QTMAN: variants seen among roughly 807,000 people sequenced by gnomAD.
QTMAN encodes the protein queuosine-tRNA mannosyltransferase, also known as tRNA-queuosine alpha-mannosyltransferase.
At chr2:144,098,956 T>C in the QTMAN span, among the ~76,000 whole-genome samples, 3 of 152,206 alleles carry the variant, frequency 2.0e-5, 1 homozygote, top group South Asian at 2.1e-4. Flanking sequence ...GCTTGCTCCC[T>C]AATAATATTT....
At chr2:143,959,519 T>C in the QTMAN span, among the ~76,000 whole-genome samples, 1 of 152,144 alleles carries the variant, frequency 6.6e-6, no homozygotes, top group African/African-American at 2.4e-5. Context: ...AAAGGAAATG[T>C]ATATGAAGCA....
chr2:144,301,669 A>C, the QTMAN span, among the ~76,000 whole-genome samples: 1 of 152,256 alleles, frequency 6.6e-6, no homozygotes, highest in Non-Finnish European at 1.5e-5. Flanking sequence ...TCATGTACAA[A>C]ATACAGCCAT....
At chr2:144,137,979 A>G in the QTMAN span, among the ~76,000 whole-genome samples, 1 of 152,066 alleles carries the variant, frequency 6.6e-6, no homozygotes. Flanking sequence ...CCACAGGATA[A>G]TTATCTCAGT....
At chr2:144,218,257 T>C in the QTMAN span, among the ~76,000 whole-genome samples, 2 of 152,234 alleles carry the variant, frequency 1.3e-5, no homozygotes, top group African/African-American at 4.8e-5. Context: ...CATCTAATTC[T>C]ATTTAAAATT....
the QTMAN span, among the ~76,000 whole-genome samples, chr2:144,332,746 G>T: frequency 0.011 from 1,653 of 152,074 alleles, 15 homozygotes; most frequent in Non-Finnish European, 0.015. Flanking sequence ...CCTGCCCACT[G>T]TCCCCCGGCC....
At chr2:144,149,275 C>A in the QTMAN span, among the ~76,000 whole-genome samples, 1 of 151,900 alleles carries the variant, frequency 6.6e-6, no homozygotes, top group Non-Finnish European at 1.5e-5. Context: ...CCACTAGGAA[C>A]AAGATAATTC....
the QTMAN span, among the ~76,000 whole-genome samples, chr2:144,031,013 T>C: frequency 6.6e-6 from 1 of 152,184 alleles, no homozygotes; most frequent in African/African-American, 2.4e-5. Context: ...CCCACTTCTG[T>C]TCGTTCGAGT....
the QTMAN span, among the ~76,000 whole-genome samples, chr2:143,959,160 T>C: frequency 6.6e-6 from 1 of 152,088 alleles, no homozygotes; most frequent in African/African-American, 2.4e-5. Flanking sequence ...ACTTTTAAGA[T>C]ATGATAAAAT....
the QTMAN span, among the ~76,000 whole-genome samples, chr2:143,975,699 T>G: frequency 1.3e-5 from 2 of 152,222 alleles, no homozygotes; most frequent in African/African-American, 4.8e-5. Flanking sequence ...TACATCTTTC[T>G]CTGCTGTGGT....
At chr2:143,949,285 G>A in the QTMAN span, among the ~76,000 whole-genome samples, 1 of 151,984 alleles carries the variant, frequency 6.6e-6, no homozygotes, top group African/African-American at 2.4e-5. Flanking sequence ...TTCTGTTTCT[G>A]CTTTTCACTT....
chr2:144,099,039 T>C, the QTMAN span, among the ~76,000 whole-genome samples: 1 of 152,296 alleles, frequency 6.6e-6, no homozygotes, highest in Admixed American at 6.5e-5. Context: ...AATCTCCATA[T>C]ATAAGCACCT....
chr2:144,305,533 T>G, the QTMAN span, among the ~76,000 whole-genome samples: 6 of 152,348 alleles, frequency 3.9e-5, no homozygotes, highest in South Asian at 1.2e-3. Flanking sequence ...TCAAGAACTG[T>G]GACTCCTTCA....
At chr2:144,117,017 A>C in the QTMAN span, among the ~76,000 whole-genome samples, 1 of 152,178 alleles carries the variant, frequency 6.6e-6, no homozygotes, top group Non-Finnish European at 1.5e-5. Flanking sequence ...TCAGTGAGTA[A>C]ATGTCAAAAA....
the QTMAN span, among the ~76,000 whole-genome samples, chr2:144,281,043 T>C: frequency 3.3e-5 from 5 of 150,632 alleles, no homozygotes; most frequent in Non-Finnish European, 7.4e-5. Flanking sequence ...TATCTCCTAA[T>C]GCTATCCCTC....
the QTMAN span, among the ~76,000 whole-genome samples, chr2:144,119,003 A>T: frequency 6.6e-6 from 1 of 152,198 alleles, no homozygotes; most frequent in African/African-American, 2.4e-5. Flanking sequence ...TGTTGGCCCA[A>T]ATAAAGGTTT....
chr2:143,950,901 C>T, the QTMAN span: 1 of 151,856 alleles, frequency 6.6e-6, no homozygotes, highest in Admixed American at 6.6e-5. Context: ...CTATTATGAG[C>T]TACCTTCTGA....
the QTMAN span, among the ~76,000 whole-genome samples, chr2:144,114,776 G>T: frequency 6.6e-6 from 1 of 152,114 alleles, no homozygotes; most frequent in African/African-American, 2.4e-5. Context: ...ATTGTATAAC[G>T]GACTTGTTAT....
chr2:144,113,170 A>G, the QTMAN span, among the ~76,000 whole-genome samples: 2 of 152,346 alleles, frequency 1.3e-5, no homozygotes, highest in Non-Finnish European at 2.9e-5. Flanking sequence ...CAACGAATTC[A>G]AGCAGCCAAC....
At chr2:143,991,906 A>G in the QTMAN span, among the ~76,000 whole-genome samples, 2 of 124,796 alleles carry the variant, frequency 1.6e-5, no homozygotes, top group African/African-American at 6.3e-5. Flanking sequence ...TCCGGGAGGG[A>G]GGTGGGGGGG....
Sources: allele counts gnomAD v4.1 joint callset (sites outside exome capture counted in the v4.1 genomes callset), GRCh38; gene constraint gnomAD v4.1.1; transcripts MANE v1.5; gene names NCBI Gene and HGNC (gene_info 2026-07-23, HGNC 2026-07-21).